Variants in BFSP1 observed in about 807,000 individuals in gnomAD.
The protein encoded by BFSP1 is filensin.
A neutral mutation model predicts 43.9 loss-of-function variants in BFSP1; 38 were observed. That is an observed-to-expected ratio of 0.87 (90% CI 0.67 to 1.14). BFSP1 has a LOEUF of 1.14. BFSP1 is among the 50% of genes most tolerant of loss of function. The pLI, the probability that BFSP1 is intolerant of heterozygous loss-of-function variation, is 0.00. For missense variants in BFSP1, 850 were observed against 875.1 expected (o/e 0.97, Z 0.36); for synonymous variants, 352 against 354.8 (o/e 0.99, Z 0.09).
intron 1 of BFSP1, among the ~76,000 whole-genome samples, chr20:17,544,055 TG>T (rs2034762750): frequency 6.6e-6 from 1 of 152,178 alleles, no homozygotes. Context: ...GCCAACTCCG[TG>T]GCAAGGATTT....
chr20:17,514,956 G>A (rs2034166438), intron 2 of BFSP1, 140 bp from the exon 3 acceptor site: 1 of 704,740 alleles, frequency 1.4e-6, no homozygotes, highest in Non-Finnish European at 2.5e-6. Flanking sequence ...AGGGGTCTGA[G>A]ATTATGCATT....
upstream of BFSP1, among the ~76,000 whole-genome samples, chr20:17,559,335 G>A (rs889084757): frequency 7.9e-5 from 12 of 152,180 alleles, no homozygotes; most frequent in Admixed American, 1.3e-4. Context: ...AAGAGACTGC[G>A]TTAGTATTAC....
chr20:17,524,762 A>C (rs2034384660), intron 2 of BFSP1, 86 bp downstream of exon 2: 2 of 1,432,686 alleles, frequency 1.4e-6, no homozygotes, highest in East Asian at 4.6e-5. Flanking sequence ...AGTAACACAA[A>C]GAGGAAGCCT....
intron 7 of BFSP1, among the ~76,000 whole-genome samples, chr20:17,495,588 C>T (rs6044849): frequency 0.21 from 31,800 of 152,062 alleles, 3,725 homozygotes; most frequent in African/African-American, 0.31. Context: ...TAGATAAATG[C>T]CACCCGGCTG....
rs199579980 is a variant in BFSP1 at position 17,498,906 on chromosome 20, G to A, written c.870C>T (p.Tyr290=). The change falls in exon 6 of 8, where the codon TAC becomes TAT. Residue 290 remains tyrosine, a synonymous_variant. Transcript: ENST00000377873. ...ETERVLEKSS[Y]DCRQLAVAQQ... Reference sequence around the variant, plus strand: ...GGGCGACCGCCAGCTGCCGGCAGTCGTAAGAAGACTTCTCCAGGACCCGCT... The same window carrying A: ...GGGCGACCGCCAGCTGCCGGCAGTCATAAGAAGACTTCTCCAGGACCCGCT... 3.0e-5 allele frequency: 48 copies of A among 1,614,134 alleles called. No homozygotes were observed. The highest frequency in any genetic ancestry group is 2.7e-4 in the South Asian group (25 of 91,074).
At position 17,524,841 on chromosome 20, in the gene BFSP1, C is replaced by T. The variant is rs371933121; in HGVS notation, c.438+7G>A. The T allele has an allele frequency of 1.1e-4, 171 of 1,613,588 alleles. No individual in the cohort carries two copies. The African/African-American group carries it at 1.9e-3, about 18-fold the overall frequency. ...GCTACGTAAACCCAAGGATGTGTTC[C>T]GCTCACCTTGTTAAGCCGTTCAAGC... On this transcript the variant is annotated splice_region_variant and intron_variant, in intron 2 of 7. Transcript: ENST00000377873.
At chr20:17,524,571 C>T (rs1274799425) in intron 2 of BFSP1, among the ~76,000 whole-genome samples, 1 of 152,216 alleles carries the variant, frequency 6.6e-6, no homozygotes, top group Admixed American at 6.5e-5. Context: ...AGTAAAACAG[C>T]AGCTTGTCAC....
At chr20:17,533,582 T>C (rs185937906), upstream of BFSP1, among the ~76,000 whole-genome samples, 1 of 152,308 alleles carries the variant, frequency 6.6e-6, no homozygotes, top group East Asian at 1.9e-4. Context: ...ATCCCAGGCC[T>C]TTGTTTGCAT....
Position 17,546,124 on chromosome 20 carries a change from T to G in BFSP1, c.2+12564A>C, listed in dbSNP as rs192058494. On this transcript the variant is annotated intron_variant, in intron 1 of 7. Coordinates refer to the BFSP1 transcript ENST00000377868. ...TAAAGAACTTCCCAAGGCTGGGTAA[T>G]TTATAAAGGAAAGAGGCTTAATTGA... 1.3e-4 allele frequency among the ~76,000 whole-genome samples: 20 copies of G among 152,266 alleles called. No homozygotes were observed. In the East Asian group the frequency reaches 3.7e-3, roughly 28 times the overall value.
chr20:17,535,781 A>G (rs964056241), upstream of BFSP1, among the ~76,000 whole-genome samples: 3 of 152,200 alleles, frequency 2.0e-5, no homozygotes, highest in African/African-American at 4.8e-5. Flanking sequence ...TTTGCAGTAT[A>G]GACATTTAAT....
chr20:17,557,857 C>T lies in BFSP1; in HGVS notation c.2+831G>A, dbSNP rs1024377963. ...CCAGCTGAAAGGCAGATCCAAGCTG[C>T]TCACTCCCAGCTGTTAGTAAGTGGA... is the stretch of plus-strand genomic sequence containing the variant. On this transcript the variant is annotated intron_variant, in intron 1 of 7. Transcript: ENST00000377868. Among the ~76,000 whole-genome samples, 3 of 152,318 alleles carry T rather than the reference C, an allele frequency of 2.0e-5. No homozygotes were observed. The East Asian group carries it at 5.8e-4, about 29-fold the overall frequency.
chr20:17,523,773 C>T (rs1176041564), intron 2 of BFSP1, among the ~76,000 whole-genome samples: 1 of 151,804 alleles, frequency 6.6e-6, no homozygotes, highest in African/African-American at 2.4e-5. Flanking sequence ...TGCTCACGCG[C>T]AGAGGGGCAG....
At chr20:17,559,396 C>G (rs143866857), upstream of BFSP1, among the ~76,000 whole-genome samples, 338 of 152,346 alleles carry the variant, frequency 2.2e-3, 4 homozygotes, top group African/African-American at 7.6e-3. Context: ...CACTCAGTAT[C>G]TCTTCTGTGG....
intron 2 of BFSP1, 152 bp downstream of exon 2, chr20:17,524,696 A>G (rs1481871672): frequency 3.9e-6 from 3 of 772,860 alleles, no homozygotes; most frequent in Non-Finnish European, 6.6e-6. Flanking sequence ...TAAAGACTCA[A>G]TTGAAATTAA....
At position 17,539,504 on chromosome 20, in the gene BFSP1, T is replaced by C. The variant is rs370459382; in HGVS notation, c.3-14596A>G. Among the ~76,000 whole-genome samples, 11 of 152,204 alleles carry C rather than the reference T, an allele frequency of 7.2e-5. No individual in the cohort carries two copies. In the East Asian group the frequency reaches 1.9e-3, roughly 27 times the overall value. The stretch of plus-strand genomic sequence containing the variant: ...GGCATCTGGCTCTCGCCCAGCACTT[T>C]GGGAGGCTGAGGCAGGTGGATTGAT... On this transcript the variant is annotated intron_variant, in intron 1 of 7. Coordinates refer to the BFSP1 transcript ENST00000377868.
upstream of BFSP1, among the ~76,000 whole-genome samples, chr20:17,536,370 G>A (rs546835168): frequency 3.0e-4 from 46 of 152,038 alleles, no homozygotes; most frequent in Admixed American, 6.6e-4. Flanking sequence ...GGGCAACATC[G>A]TGAAACCCCA....
intron 1 of BFSP1, among the ~76,000 whole-genome samples, chr20:17,555,717 T>C (rs2034980862): frequency 6.6e-6 from 1 of 151,966 alleles, no homozygotes. Context: ...TGTTCACAGG[T>C]GAAAAGAATC....
chr20:17,531,853 A>G (rs1053007343), upstream of BFSP1, among the ~76,000 whole-genome samples: 6 of 151,240 alleles, frequency 4.0e-5, no homozygotes, highest in Admixed American at 6.6e-5. Flanking sequence ...TTTATTTCCA[A>G]TTGCTCGGTT....
chr20:17,539,771 A>C (rs935856103), intron 1 of BFSP1, among the ~76,000 whole-genome samples: 2 of 152,070 alleles, frequency 1.3e-5, no homozygotes, highest in Admixed American at 1.3e-4. Context: ...ATCTCAAAAA[A>C]AAAGACAAAA....
Sources: allele counts gnomAD v4.1 joint callset (sites outside exome capture counted in the v4.1 genomes callset), GRCh38; gene constraint gnomAD v4.1.1; transcripts MANE v1.5; gene names NCBI Gene and HGNC (gene_info 2026-07-23, HGNC 2026-07-21).